PLCB1: variants seen among roughly 807,000 people sequenced by gnomAD.
The protein encoded by PLCB1 is phospholipase C beta 1, also known as 1-phosphatidylinositol 4,5-bisphosphate phosphodiesterase beta-1.
Under a neutral mutation model 161.8 loss-of-function variants are expected in PLCB1, and 46 were observed. The ratio of observed to expected loss-of-function variants is 0.28; its 90% CI spans 0.22 to 0.36. The LOEUF is 0.36. PLCB1 is among the 10% of genes least tolerant of loss of function. The pLI is 1.00. For missense variants in PLCB1, 1,016 were observed against 1,472.5 expected, an observed-to-expected ratio of 0.69 and a Z score of 5.07; for synonymous variants, 517 against 503.7, an observed-to-expected ratio of 1.03 and a Z score of -0.35.
intron 3 of PLCB1, among the ~76,000 whole-genome samples, chr20:8,586,139 G>C (rs1175149840): frequency 6.6e-6 from 1 of 152,160 alleles, no homozygotes; most frequent in Non-Finnish European, 1.5e-5. Context: ...TCCATTATCT[G>C]ACTTTCGGAA....
chr20:8,768,690 A>C (rs1407821155), intron 26 of PLCB1, among the ~76,000 whole-genome samples: 1 of 152,212 alleles, frequency 6.6e-6, no homozygotes, highest in African/African-American at 2.4e-5. Context: ...CATGCAACAC[A>C]CAAGGCCATA....
At chr20:8,327,809 T>C (rs913446356) in intron 2 of PLCB1, among the ~76,000 whole-genome samples, 9 of 152,196 alleles carry the variant, frequency 5.9e-5, no homozygotes, top group Non-Finnish European at 1.2e-4. Flanking sequence ...TGTTATCTTC[T>C]AGTTGCCACC....
intron 3 of PLCB1, among the ~76,000 whole-genome samples, chr20:8,611,839 G>C (rs997524227): frequency 6.6e-6 from 1 of 152,032 alleles, no homozygotes; most frequent in Admixed American, 6.5e-5. Context: ...CTAGCTACTC[G>C]GGAGGCTGAG....
chr20:8,560,521 T>A (rs1462661999), intron 3 of PLCB1, among the ~76,000 whole-genome samples: 2 of 152,048 alleles, frequency 1.3e-5, no homozygotes, highest in African/African-American at 4.8e-5. Flanking sequence ...TCTCTGAGAA[T>A]TGAGCCCCAG....
At chr20:8,628,140 T>G in intron 3 of PLCB1, 154 bp from the exon 4 acceptor site, 1 of 631,000 alleles carries the variant, frequency 1.6e-6, no homozygotes, top group Non-Finnish European at 2.8e-6. Context: ...CTCTAGGCCA[T>G]TTGTGGAATG....
chr20:8,660,395 C>T (rs1333570399), intron 9 of PLCB1, among the ~76,000 whole-genome samples: 2 of 152,086 alleles, frequency 1.3e-5, no homozygotes, highest in Non-Finnish European at 2.9e-5. Context: ...ATTGTTATAA[C>T]AAATCCAACA....
chr20:8,668,622 A>G (rs1468455740), intron 9 of PLCB1, among the ~76,000 whole-genome samples: 2 of 152,200 alleles, frequency 1.3e-5, no homozygotes, highest in Non-Finnish European at 2.9e-5. Context: ...AGGAAGAGAA[A>G]GCAGCTTACA....
chr20:8,184,946 C>T (rs1157902144), intron 2 of PLCB1, among the ~76,000 whole-genome samples: 1 of 151,964 alleles, frequency 6.6e-6, no homozygotes, highest in East Asian at 1.9e-4. Context: ...CCCCTAGCCC[C>T]CCACTCCCCA....
At position 8,688,695 on chromosome 20, in the gene PLCB1, T is replaced by C. The variant is rs895204882; in HGVS notation, c.1009+3617T>C. Among the ~76,000 whole-genome samples, 6 of 152,308 alleles carry C rather than the reference T, an allele frequency of 3.9e-5. No homozygotes were observed. The South Asian group carries it at 1.2e-3, about 32-fold the overall frequency. On this transcript the variant is annotated intron_variant, in intron 10 of 31. Transcript: ENST00000338037. ...TTTCTGGGTTCTCTATTCTGTCCCA[T>C]TGTTCTGAGTGCCTATTTTTATGCC...
intron 2 of PLCB1, among the ~76,000 whole-genome samples, chr20:8,264,550 C>T (rs897894028): frequency 2.0e-5 from 3 of 152,084 alleles, no homozygotes; most frequent in Non-Finnish European, 4.4e-5. Flanking sequence ...TATAGTTTTG[C>T]TTGTACCAGC....
intron 3 of PLCB1, among the ~76,000 whole-genome samples, chr20:8,565,753 A>G (rs150891770): frequency 6.6e-6 from 1 of 152,096 alleles, no homozygotes; most frequent in East Asian, 1.9e-4. Flanking sequence ...TTTTTTCTCA[A>G]GAGGATATAG....
intron 3 of PLCB1, among the ~76,000 whole-genome samples, chr20:8,554,338 A>C (rs1440727615): frequency 6.6e-6 from 1 of 152,162 alleles, no homozygotes; most frequent in Admixed American, 6.6e-5. Context: ...TAAAAACCCC[A>C]AACTGGAAAC....
At chr20:8,481,109 AC>A (rs1204257526) in intron 3 of PLCB1, among the ~76,000 whole-genome samples, 2 of 131,408 alleles carry the variant, frequency 1.5e-5, no homozygotes, top group Admixed American at 8.3e-5. Flanking sequence ...TAATCCCCCT[AC>A]CCCCCACCCT....
At chr20:8,423,824 A>T (rs975946801) in intron 3 of PLCB1, among the ~76,000 whole-genome samples, 6 of 152,192 alleles carry the variant, frequency 3.9e-5, no homozygotes, top group Admixed American at 3.9e-4. Context: ...CCTGGCTTCA[A>T]ATTTCATGAG....
chr20:8,184,996 G>A (rs745456644), intron 2 of PLCB1, among the ~76,000 whole-genome samples: 2 of 151,528 alleles, frequency 1.3e-5, no homozygotes, highest in African/African-American at 2.4e-5. Flanking sequence ...CTGTGTCCAC[G>A]TGTTCTCACT....
chr20:8,142,011 C>G (rs945939946), intron 1 of PLCB1: 4 of 152,228 alleles, frequency 2.6e-5, no homozygotes, highest in Admixed American at 6.5e-5. Flanking sequence ...GAGGCCAGAT[C>G]TATATTACTT....
intron 3 of PLCB1, among the ~76,000 whole-genome samples, chr20:8,422,928 T>C (rs1979600584): frequency 6.6e-6 from 1 of 152,162 alleles, no homozygotes; most frequent in Non-Finnish European, 1.5e-5. Flanking sequence ...ATGGCAATGA[T>C]AAAAATATTT....
intron 3 of PLCB1, among the ~76,000 whole-genome samples, chr20:8,588,133 G>A (rs756774583): frequency 7.2e-5 from 11 of 152,126 alleles, no homozygotes; most frequent in South Asian, 2.1e-4. Context: ...TATATACTTC[G>A]TGTAAGGCTC....
chr20:8,282,879 A>G (rs150079585), intron 2 of PLCB1, among the ~76,000 whole-genome samples: 3 of 152,268 alleles, frequency 2.0e-5, no homozygotes, highest in East Asian at 3.9e-4. Flanking sequence ...TAATTAGGAT[A>G]TGGGTCTAGC....
Sources: allele counts gnomAD v4.1 joint callset (sites outside exome capture counted in the v4.1 genomes callset), GRCh38; gene constraint gnomAD v4.1.1; transcripts MANE v1.5; gene names NCBI Gene and HGNC (gene_info 2026-07-23, HGNC 2026-07-21).